Variants in ZNF738 observed in about 807,000 individuals in gnomAD.
ZNF738 encodes the protein protein ZNF738.
In ZNF738, 10 loss-of-function variants were observed where a neutral mutation model predicts 9.2. The observed-to-expected ratio is 1.09, with a 90% confidence interval of 0.67 to 1.85. The LOEUF is 1.85. Among genes scored for constraint, ZNF738 ranks in the 40% most tolerant of loss-of-function variants. ZNF738 has a pLI of 0.00. For missense variants in ZNF738, 346 were observed against 283.6 expected (o/e 1.22, Z -1.58); for synonymous variants, 113 against 94.5 (o/e 1.20, Z -1.14).
intron 2 of ZNF738, among the ~76,000 whole-genome samples, chr19:21,369,855 A>G (rs2928219): frequency 0.037 from 5,517 of 147,836 alleles, 336 homozygotes; most frequent in African/African-American, 0.12. Flanking sequence ...GCACTCTCTC[A>G]CAGGCTGGAG....
At chr19:21,379,058 A>G (rs1175405620) in intron 4 of ZNF738, 1 of 19,420 alleles carries the variant, frequency 5.1e-5, no homozygotes, top group Non-Finnish European at 2.8e-4. Context: ...GTTATTTTTT[A>G]TATTTTTTTA....
intron 2 of ZNF738, among the ~76,000 whole-genome samples, chr19:21,362,397 T>G (rs1456297390): frequency 1.3e-5 from 2 of 152,080 alleles, no homozygotes; most frequent in Non-Finnish European, 2.9e-5. Context: ...TGTAAGAACT[T>G]GCAAAGTAAA....
chr19:21,384,014 C>A lies in ZNF738; in HGVS notation c.*340C>A. 6.6e-7 allele frequency: 1 copy of A among 1,516,740 alleles called. No individual in the cohort carries two copies. The highest frequency in any genetic ancestry group is 9.1e-7 in the Non-Finnish European group (1 of 1,095,964). The allele number at this position is 1,516,740 out of a possible 1,614,324, so 94.0% of individuals were successfully genotyped here. A position where few individuals can be genotyped will look rare whatever the true frequency, so the allele number is the denominator to read the frequency against. ...AACCCTACAAATGTGAAGAATGTGG[C>A]AAAGCTTTCTACCGATTCATTTACC... On this transcript the variant is annotated 3_prime_UTR_variant, in exon 5 of 5. Transcript: ENST00000683779.
At chr19:21,359,249 C>T (rs928595813) in intron 1 of ZNF738, 106 bp downstream of exon 1, 5 of 844,626 alleles carry the variant, frequency 5.9e-6, no homozygotes, top group African/African-American at 1.7e-5. Context: ...GCTCTACAAT[C>T]TGCGCCCCGA....
Position 21,375,307 on chromosome 19 carries a change from C to A in ZNF738, c.166C>A (p.Gln56Lys). 8.9e-7 allele frequency: 1 copy of A among 1,117,806 alleles called. No individual in the cohort carries two copies. Among genetic ancestry groups the A allele is most frequent in the Non-Finnish European group, 1.4e-6 (1 of 729,272 alleles). The allele number at this position is 1,117,806 out of a possible 1,614,324, so 69.2% of individuals were successfully genotyped here. Residue 56 changes from glutamine to lysine, a missense_variant, in exon 3 of 5, where the codon CAG becomes AAG. Physicochemically the swap from Gln to Lys is moderately conservative, Grantham distance 53. Coordinates refer to ENST00000683779, the MANE Select transcript of ZNF738 (RefSeq NM_001355237.2). ...GGAGTGGCAATGCCTGGACACTGCT[C>A]AGCAAGATTTGTATAGGAAAGTGAT... ...QEEWQCLDTAQQDLYRKVMLE... is the reference protein window; with the variant it reads ...QEEWQCLDTAKQDLYRKVMLE...
Position 21,386,008 on chromosome 19 carries a change from A to G in ZNF738, c.*2334A>G, listed in dbSNP as rs1568372737. On this transcript the variant is annotated 3_prime_UTR_variant, in exon 5 of 5. Transcript: ENST00000683779. ...ATAAGGTAATTCGTGCTGGAGAGAA[A>G]CCCTACAAATATGAAGAATATCTCA... Among the ~76,000 whole-genome samples, 1 of 152,148 alleles carries G rather than the reference A, an allele frequency of 6.6e-6. No homozygotes were observed. Among genetic ancestry groups the G allele is most frequent in the Admixed American group, 6.5e-5 (1 of 15,268 alleles).
At position 21,382,938 on chromosome 19, in the gene ZNF738, TGA is replaced by T; in HGVS notation, c.397_398del (p.Glu133IlefsTer7). 1 of 596,444 alleles carries T rather than the reference TGA, an allele frequency of 1.7e-6. No homozygotes were observed. Among genetic ancestry groups the T allele is most frequent in the Non-Finnish European group, 3.2e-6 (1 of 316,960 alleles). The allele number at this position is 596,444 out of a possible 1,614,324, so 36.9% of individuals were successfully genotyped here. A position where few individuals can be genotyped will look rare whatever the true frequency, so the allele number is the denominator to read the frequency against. On this transcript the variant is annotated frameshift_variant, in exon 5 of 5. Coordinates refer to ENST00000683779, the MANE Select transcript of ZNF738 (RefSeq NM_001355237.2). LOFTEE classifies it low-confidence loss of function (END_TRUNC). ...AAAGATTCTTTCCAAAAAGTGATAC[TGA>T]GAGAATATGGAAATTATGGACATAA... is the stretch of plus-strand genomic sequence containing the variant.
chr19:21,371,504 G>T (rs777492026), intron 2 of ZNF738, among the ~76,000 whole-genome samples: 27 of 152,168 alleles, frequency 1.8e-4, no homozygotes, highest in Non-Finnish European at 3.5e-4. Context: ...CTGGTACTAG[G>T]GTGAAAGACA....
At chr19:21,361,686 G>A in intron 1 of ZNF738, 80 bp from the exon 2 acceptor site, 1 of 744,644 alleles carries the variant, frequency 1.3e-6, no homozygotes, top group Non-Finnish European at 2.5e-6. Context: ...ATTATCTGGG[G>A]ATAAACCGAG....
rs568023534 is a variant in ZNF738 at position 21,369,719 on chromosome 19, G to T, written c.97-5519G>T. On this transcript the variant is annotated intron_variant, in intron 2 of 4. Transcript: ENST00000683779. ...TTATTTCTGGGCTCTCTATTCTGTT[G>T]CATTGTTCTATGAGTCTGTTTTTAT... 3.9e-5 allele frequency among the ~76,000 whole-genome samples: 6 copies of T among 152,050 alleles called. No individual in the cohort carries two copies. The South Asian group carries it at 1.2e-3, about 32-fold the overall frequency.
intron 2 of ZNF738, among the ~76,000 whole-genome samples, chr19:21,366,766 A>G (rs1488930175): frequency 6.6e-6 from 1 of 152,188 alleles, no homozygotes; most frequent in Non-Finnish European, 1.5e-5. Flanking sequence ...TAACATCCTG[A>G]TGTTGCCATG....
At chr19:21,375,798 C>G (rs1288592226) in intron 3 of ZNF738, 71 bp from the exon 4 acceptor site, 3 of 673,612 alleles carry the variant, frequency 4.5e-6, no homozygotes, top group Admixed American at 4.4e-5. Flanking sequence ...CTCCTCTTTA[C>G]TAAGCACAGT....
intron 3 of ZNF738, 43 bp downstream of exon 3, chr19:21,375,407 G>A (rs767321572): frequency 1.7e-6 from 1 of 602,362 alleles, no homozygotes; most frequent in Non-Finnish European, 3.0e-6. Context: ...TACACTAAAG[G>A]TTTCATTTCT....
Position 21,359,005 on chromosome 19 carries a change from T to C in ZNF738, c.-136T>C, listed in dbSNP as rs926320897. 2.7e-6 allele frequency: 2 copies of C among 744,654 alleles called. No homozygotes were observed. The highest frequency in any genetic ancestry group is 2.7e-5 in the East Asian group (1 of 36,932). 46.1% of individuals were successfully genotyped at this position (744,654 alleles called of 1,614,324 possible). A position where few individuals can be genotyped will look rare whatever the true frequency, so the allele number is the denominator to read the frequency against. ...CGGGATTTGTCCGCTTCTTTGTCTTTGGCTGCCGCTGGAACTCCGGGTCTC... is the reference window on the plus strand; with the variant it reads ...CGGGATTTGTCCGCTTCTTTGTCTTCGGCTGCCGCTGGAACTCCGGGTCTC... On this transcript the variant is annotated 5_prime_UTR_variant, in exon 1 of 5. Coordinates refer to ENST00000683779, the MANE Select transcript of ZNF738 (RefSeq NM_001355237.2).
intron 2 of ZNF738, among the ~76,000 whole-genome samples, chr19:21,373,168 T>C (rs1336882179): frequency 2.0e-5 from 3 of 152,134 alleles, no homozygotes; most frequent in Non-Finnish European, 1.5e-5. Flanking sequence ...ATTTTTGAGC[T>C]CATTAAAGGT....
At chr19:21,359,471 G>A (rs1481531590) in intron 1 of ZNF738, among the ~76,000 whole-genome samples, 1 of 152,224 alleles carries the variant, frequency 6.6e-6, no homozygotes, top group African/African-American at 2.4e-5. Flanking sequence ...ATCCTGACTT[G>A]GGGTGCGGGT....
intron 1 of ZNF738, 44 bp from the exon 2 acceptor site, chr19:21,361,722 G>A (rs1973696350): frequency 1.3e-6 from 1 of 776,516 alleles, no homozygotes; most frequent in Admixed American, 1.7e-5. Flanking sequence ...ATGTCAGCTA[G>A]AGTGTCTAGT....
intron 4 of ZNF738, among the ~76,000 whole-genome samples, chr19:21,382,284 C>T (rs1355694363): frequency 6.6e-6 from 1 of 151,548 alleles, no homozygotes; most frequent in African/African-American, 2.4e-5. Context: ...CACTGTCACC[C>T]AGGCTGGAGT....
intron 2 of ZNF738, among the ~76,000 whole-genome samples, chr19:21,368,872 G>A (rs1973821495): frequency 1.3e-5 from 2 of 152,126 alleles, no homozygotes; most frequent in Non-Finnish European, 2.9e-5. Flanking sequence ...GAGTAGCTGG[G>A]ATTACAGATA....
Sources: gnomAD v4.1 joint callset for allele counts (sites outside exome capture counted in the v4.1 genomes callset) on GRCh38, gnomAD v4.1.1 for gene constraint, MANE v1.5 for transcripts, NCBI Gene and HGNC (gene_info 2026-07-23, HGNC 2026-07-21) for gene names.